Variants in PCSK6 observed in about 807,000 individuals in gnomAD.
The protein encoded by PCSK6 is paired basic amino acid cleaving enzyme 4.
Under a neutral mutation model 123.3 loss-of-function variants are expected in PCSK6, and 85 were observed. The observed-to-expected ratio is 0.69, with a 90% CI of 0.58 to 0.83. PCSK6 has a LOEUF of 0.83. Among genes scored for constraint, PCSK6 ranks in the 40% least tolerant of loss-of-function variants. The pLI is 0.00. For missense variants in PCSK6, 1,191 were observed against 1,282.3 expected (o/e 0.93, Z 1.09); for synonymous variants, 508 against 516.0 (o/e 0.98, Z 0.21).
At chr15:101,420,815 T>C (rs1050670362) in intron 6 of PCSK6, among the ~76,000 whole-genome samples, 7 of 152,318 alleles carry the variant, frequency 4.6e-5, no homozygotes, top group African/African-American at 7.2e-5. Flanking sequence ...TACCCCACTC[T>C]CCTCTCTGGA....
At chr15:101,412,557 G>T (rs1209217923) in intron 6 of PCSK6, among the ~76,000 whole-genome samples, 1 of 151,588 alleles carries the variant, frequency 6.6e-6, no homozygotes, top group South Asian at 2.1e-4. Context: ...GAAACTGAAA[G>T]TCTCAGCAAA....
intron 13 of PCSK6, chr15:101,334,291 G>A (rs1274290168): frequency 6.1e-3 from 4 of 654 alleles, no homozygotes; most frequent in Admixed American, 0.011. Context: ...TGTTCTCACC[G>A]CTGCAGCAGT....
intron 6 of PCSK6, among the ~76,000 whole-genome samples, chr15:101,408,382 C>T (rs1435043115): frequency 6.6e-6 from 1 of 152,240 alleles, no homozygotes; most frequent in Non-Finnish European, 1.5e-5. Flanking sequence ...CTCTCAGGAA[C>T]CCAGGGCTAT....
chr15:101,484,289 T>G (rs1308062474), intron 1 of PCSK6, among the ~76,000 whole-genome samples: 4 of 152,230 alleles, frequency 2.6e-5, no homozygotes, highest in African/African-American at 9.6e-5. Context: ...TAACTAGAAT[T>G]TGATGCAGAT....
At chr15:101,362,106 G>A (rs746204740) in intron 13 of PCSK6, among the ~76,000 whole-genome samples, 49 of 151,996 alleles carry the variant, frequency 3.2e-4, no homozygotes, top group Non-Finnish European at 5.6e-4. Flanking sequence ...ACAGGTGCCC[G>A]CCACCATGCC....
At chr15:101,317,564 C>T (rs867930183) in intron 19 of PCSK6, among the ~76,000 whole-genome samples, 6 of 152,182 alleles carry the variant, frequency 3.9e-5, no homozygotes, top group African/African-American at 1.4e-4. Flanking sequence ...AGAACTAAGG[C>T]TATGTTTGAA....
chr15:101,330,094 T>C (rs1431769743), intron 15 of PCSK6, among the ~76,000 whole-genome samples: 2 of 152,228 alleles, frequency 1.3e-5, no homozygotes, highest in African/African-American at 4.8e-5. Context: ...GGCTCTGGCC[T>C]AGCAGGTTGG....
At chr15:101,432,268 A>G (rs925557383) in intron 2 of PCSK6, among the ~76,000 whole-genome samples, 168 bp from the exon 3 acceptor site, 2 of 152,152 alleles carry the variant, frequency 1.3e-5, no homozygotes, top group Non-Finnish European at 2.9e-5. Flanking sequence ...ACTACATTTG[A>G]AAGATGAGAA....
intron 10 of PCSK6, among the ~76,000 whole-genome samples, chr15:101,383,744 A>G (rs1008110247): frequency 1.3e-5 from 2 of 152,254 alleles, no homozygotes; most frequent in African/African-American, 2.4e-5. Context: ...AGCTGCCCTC[A>G]GGTGGCACAC....
At chr15:101,409,566 C>G (rs1178743875) in intron 6 of PCSK6, among the ~76,000 whole-genome samples, 1 of 130,836 alleles carries the variant, frequency 7.6e-6, no homozygotes, top group Non-Finnish European at 1.5e-5. Context: ...GCCTGGGCGA[C>G]AGAGTAAGAC....
At chr15:101,468,589 A>C (rs1297542499) in intron 1 of PCSK6, among the ~76,000 whole-genome samples, 2 of 152,226 alleles carry the variant, frequency 1.3e-5, no homozygotes, top group Admixed American at 1.3e-4. Flanking sequence ...CCAGGACTCC[A>C]CAAACACCCA....
At chr15:101,385,858 G>A (rs1388171661) in intron 9 of PCSK6, among the ~76,000 whole-genome samples, 9 of 152,132 alleles carry the variant, frequency 5.9e-5, no homozygotes, top group East Asian at 3.8e-4. Flanking sequence ...TCATGGTTCC[G>A]GCCGCCATTT....
intron 6 of PCSK6, among the ~76,000 whole-genome samples, chr15:101,423,790 T>G (rs2056162597): frequency 6.6e-6 from 1 of 152,138 alleles, no homozygotes; most frequent in African/African-American, 2.4e-5. Context: ...TGACAATTTT[T>G]TTTCCAAATT....
At chr15:101,472,299 G>A (rs1406407957) in intron 1 of PCSK6, among the ~76,000 whole-genome samples, 1 of 152,258 alleles carries the variant, frequency 6.6e-6, no homozygotes, top group Non-Finnish European at 1.5e-5. Flanking sequence ...ACAGCTCCCT[G>A]AAGAGGCCTC....
chr15:101,404,880 A>G (rs1195546800), intron 6 of PCSK6, among the ~76,000 whole-genome samples: 5 of 152,182 alleles, frequency 3.3e-5, no homozygotes, highest in Non-Finnish European at 5.9e-5. Context: ...GATTCTCTCT[A>G]CAAGTTATAG....
rs145196270 is a variant in PCSK6, at chr15:101,423,721, A to G, written c.823+4171T>C. 1.8e-3 allele frequency among the ~76,000 whole-genome samples: 272 copies of G among 152,344 alleles called. 1 individual carries two copies. Among genetic ancestry groups the G allele is most frequent in the African/African-American group, 5.9e-3 (246 of 41,580 alleles). ...AGGCGTATTAAGCAATCTAACAACT[A>G]TAACTGTGCCCACAGAGAGTAGAAA... On this transcript the variant is annotated intron_variant, in intron 6 of 21. Transcript: ENST00000611716.
rs2055724482 is a variant in PCSK6 at position 101,412,491 on chromosome 15, G to C, written c.824-13915C>G. On this transcript the variant is annotated intron_variant, in intron 6 of 21. Coordinates refer to ENST00000611716, the MANE Select transcript of PCSK6 (RefSeq NM_002570.5). ...AAAGAGGCCATGAAAAAAACACCTA[G>C]GTGAGCAATTACAAATATGCCTAAA... is the stretch of plus-strand genomic sequence containing the variant. Among the ~76,000 whole-genome samples the C allele has an allele frequency of 2.0e-5, 3 of 151,358 alleles. No homozygotes were observed. In the South Asian group the frequency reaches 6.3e-4, roughly 32 times the overall value.
chr15:101,400,936 C>T (rs1330462538), intron 6 of PCSK6, among the ~76,000 whole-genome samples: 1 of 152,098 alleles, frequency 6.6e-6, no homozygotes, highest in Non-Finnish European at 1.5e-5. Context: ...TAATATATGC[C>T]CTGAAATTTC....
chr15:101,373,775 T>C (rs1199677526), intron 11 of PCSK6, among the ~76,000 whole-genome samples: 1 of 152,224 alleles, frequency 6.6e-6, no homozygotes, highest in Non-Finnish European at 1.5e-5. Context: ...CCTACAGTTA[T>C]TTCTAAGGTA....
Sources: gnomAD v4.1 joint callset for allele counts (sites outside exome capture counted in the v4.1 genomes callset) on GRCh38, gnomAD v4.1.1 for gene constraint, MANE v1.5 for transcripts, NCBI Gene and HGNC (gene_info 2026-07-23, HGNC 2026-07-21) for gene names.